Variants in PPFIA4 observed in about 807,000 individuals in gnomAD.
The protein encoded by PPFIA4 is liprin-alpha-4.
PPFIA4 carries 98 observed loss-of-function variants against 145.7 expected under a neutral mutation model. The ratio of observed to expected loss-of-function variants is 0.67; its 90% CI spans 0.57 to 0.80. The LOEUF is 0.80. Among genes scored for constraint, PPFIA4 ranks in the 30% least tolerant of loss-of-function variants. PPFIA4 has a pLI of 0.00. For missense variants in PPFIA4, 1,457 were observed against 1,632.7 expected (o/e 0.89, Z 1.85); for synonymous variants, 628 against 649.6 (o/e 0.97, Z 0.51).
intron 2 of PPFIA4, among the ~76,000 whole-genome samples, chr1:203,040,446 A>T (rs553119869): frequency 1.5e-4 from 23 of 152,312 alleles, no homozygotes; most frequent in African/African-American, 5.5e-4. Flanking sequence ...CACAAAAGTG[A>T]TGCTTGGTGG....
At chr1:203,042,229 C>T (rs1352167615) in intron 2 of PPFIA4, among the ~76,000 whole-genome samples, 1 of 152,190 alleles carries the variant, frequency 6.6e-6, no homozygotes, top group Admixed American at 6.5e-5. Flanking sequence ...TTTAGCTAAA[C>T]AGGATATGAT....
At chr1:203,031,297 A>G (rs1658807647) in intron 1 of PPFIA4, among the ~76,000 whole-genome samples, 1 of 152,138 alleles carries the variant, frequency 6.6e-6, no homozygotes, top group South Asian at 2.1e-4. Context: ...AGCTTAAGCA[A>G]TCTCCCTGCC....
At chr1:203,027,764 C>A (rs1658510851) in intron 1 of PPFIA4, among the ~76,000 whole-genome samples, 1 of 152,198 alleles carries the variant, frequency 6.6e-6, no homozygotes, top group African/African-American at 2.4e-5. Context: ...CACGGAGTAG[C>A]TGAAAGGTAC....
At position 203,055,993 on chromosome 1, in the gene PPFIA4, A is replaced by G. The variant is rs1209838193; in HGVS notation, c.2071-127A>G. 2 of 898,654 alleles carry G rather than the reference A, an allele frequency of 2.2e-6. No homozygotes were observed. Among genetic ancestry groups the G allele is most frequent in the Non-Finnish European group, 1.6e-6 (1 of 607,714 alleles). The allele number at this position is 898,654 out of a possible 1,614,324, so 55.7% of individuals were successfully genotyped here. A position where few individuals can be genotyped will look rare whatever the true frequency, so the allele number is the denominator to read the frequency against. On this transcript the variant is annotated intron_variant, in intron 16 of 29. Coordinates refer to ENST00000295706, the MANE Select transcript of PPFIA4 (RefSeq NM_001304331.2). The surrounding 1 kb of genome is among the most constrained non-coding windows in gnomAD (Gnocchi z 4.8). ...CTTTTTTTTTTTTTTCTGGCGTGAT[A>G]TTCTCTCCGGGCCTGTGTGAGGCAC...
At chr1:203,040,668 T>C (rs1372574731) in intron 2 of PPFIA4, among the ~76,000 whole-genome samples, 1 of 152,192 alleles carries the variant, frequency 6.6e-6, no homozygotes, top group East Asian at 1.9e-4. Flanking sequence ...AAGCACAGTA[T>C]CAGTGATAAA....
intron 25 of PPFIA4, among the ~76,000 whole-genome samples, chr1:203,067,239 G>A (rs1184627771): frequency 1.3e-5 from 2 of 152,212 alleles, no homozygotes; most frequent in East Asian, 3.8e-4. Context: ...GAGAGAGCAA[G>A]AGGGAGAGTG....
At position 203,043,308 on chromosome 1, in the gene PPFIA4, G is replaced by T; in HGVS notation, c.235-89G>T. The T allele has an allele frequency of 2.6e-6, 3 of 1,140,548 alleles. No homozygotes were observed. Among genetic ancestry groups the T allele is most frequent in the Non-Finnish European group, 1.3e-6 (1 of 778,904 alleles). 70.7% of individuals were successfully genotyped at this position (1,140,548 alleles called of 1,614,324 possible). On this transcript the variant is annotated intron_variant, in intron 2 of 29. Transcript: ENST00000295706. The surrounding 1 kb of genome is among the most constrained non-coding windows in gnomAD (Gnocchi z 4.4). ...GGGGAGGTGGTGGAAGTAAGGGATG[G>T]GTGAGAGGATCCCACCACTGACTTG...
At chr1:203,028,411 C>T (rs1180799738) in intron 1 of PPFIA4, among the ~76,000 whole-genome samples, 1 of 152,042 alleles carries the variant, frequency 6.6e-6, no homozygotes, top group East Asian at 1.9e-4. Context: ...CTGAGGATGG[C>T]AGAGCTAGAG....
At chr1:203,029,458 T>C in intron 1 of PPFIA4, among the ~76,000 whole-genome samples, 1 of 152,248 alleles carries the variant, frequency 6.6e-6, no homozygotes, top group East Asian at 1.9e-4. Context: ...ACTGAGTGTT[T>C]GGTCACATGC....
At position 203,053,886 on chromosome 1, in the gene PPFIA4, C is replaced by G. The variant is rs1276599479; in HGVS notation, c.1754C>G (p.Pro585Arg). 2 of 1,562,766 alleles carry G rather than the reference C, an allele frequency of 1.3e-6. No individual in the cohort carries two copies. The highest frequency in any genetic ancestry group is 3.8e-5 in the Admixed American group (2 of 52,656). ...GTGGGCTCTGCGGATGTTGTCTCCC[C>G]CAGCGGCCACTCAGATGCCCAGACC... ...GLVGSADVVS[P>R]SGHSDAQTLA... The change falls in exon 15 of 30, where the codon CCC becomes CGC. Residue 585 changes from proline (P) to arginine (R), a missense_variant. This residue lies in a region of PPFIA4 where 848 missense variants were observed against 1,046.7 expected (regional missense o/e 0.81). Transcript: ENST00000295706.
At chr1:203,051,050 C>G in intron 13 of PPFIA4, 1 of 778,836 alleles carries the variant, frequency 1.3e-6, no homozygotes, top group Non-Finnish European at 1.6e-6. Flanking sequence ...TCCCTTCACT[C>G]TGGACTCCCT....
intron 24 of PPFIA4, 63 bp from the exon 25 acceptor site, chr1:203,063,765 A>C: frequency 1.9e-6 from 3 of 1,570,356 alleles, no homozygotes; most frequent in Non-Finnish European, 2.6e-6. Context: ...CAGCTATACC[A>C]GCCTCAGCCT....
chr1:203,059,384 T>A (rs1655405811), intron 20 of PPFIA4, 113 bp downstream of exon 20: 9 of 925,594 alleles, frequency 9.7e-6, no homozygotes, highest in Non-Finnish European at 1.5e-5. Context: ...GCAAGGCCCT[T>A]CCTGAACTGA....
At chr1:203,070,264 C>T (rs1185685222) in intron 27 of PPFIA4, among the ~76,000 whole-genome samples, 1 of 151,922 alleles carries the variant, frequency 6.6e-6, no homozygotes, top group Non-Finnish European at 1.5e-5. Flanking sequence ...GTGTGTGACC[C>T]AATACGGAAT....
intron 1 of PPFIA4, among the ~76,000 whole-genome samples, chr1:203,031,074 C>T (rs532899441): frequency 1.3e-5 from 2 of 152,234 alleles, no homozygotes; most frequent in African/African-American, 2.4e-5. Context: ...TCTCGGTCCC[C>T]TTTTCCCCTC....
At chr1:203,039,464 G>A (rs1345607517) in intron 2 of PPFIA4, among the ~76,000 whole-genome samples, 2 of 152,208 alleles carry the variant, frequency 1.3e-5, no homozygotes, top group Admixed American at 6.5e-5. Context: ...GTAGAAAAAC[G>A]CAGCCATAGG....
intron 24 of PPFIA4, chr1:203,063,052 G>A (rs1368891424): frequency 2.0e-5 from 3 of 152,236 alleles, no homozygotes; most frequent in African/African-American, 7.2e-5. Context: ...CATTGTAAAA[G>A]AGAACAAAAT....
At position 203,061,674 on chromosome 1, in the gene PPFIA4, C is replaced by A. The variant is rs1661371648; in HGVS notation, c.2870C>A (p.Ala957Asp). The A allele has an allele frequency of 6.4e-7, 1 of 1,566,114 alleles. No homozygotes were observed. The highest frequency in any genetic ancestry group is 2.4e-5 in the East Asian group (1 of 42,132). The change falls in exon 24 of 30, where the codon GCT (alanine) becomes GAT (aspartate). Residue 957 changes from alanine to aspartate, a missense_variant. Ala to Asp is a moderately radical substitution (Grantham distance 126). Transcript: ENST00000295706. ...TKTDSEEGSW[A>D]QTLAYGDMNH... is the part of the protein sequence containing the mutation. The stretch of plus-strand genomic sequence containing the variant: ...TAGGACAGTGAGGAGGGCAGCTGGG[C>A]TCAGGTAAGACTCCCTACCCTGTCT...
At chr1:203,076,246 C>A in intron 29 of PPFIA4, 95 bp from the exon 30 acceptor site, 1 of 1,381,914 alleles carries the variant, frequency 7.2e-7, no homozygotes, top group Non-Finnish European at 1.0e-6. Context: ...TTGGAGCACG[C>A]TGCGTTGCCG....
Sources: allele counts gnomAD v4.1 joint callset (sites outside exome capture counted in the v4.1 genomes callset), GRCh38; gene constraint gnomAD v4.1.1; regional missense constraint gnomAD v4.1.1; non-coding constraint Gnocchi (gnomAD v3.1); transcripts MANE v1.5; gene names NCBI Gene and HGNC (gene_info 2026-07-23, HGNC 2026-07-21).